Variants in CTNND2 observed in about 807,000 individuals in gnomAD.
The protein encoded by CTNND2 is catenin delta 2, also known as catenin delta-2.
Under a neutral mutation model 144.4 loss-of-function variants are expected in CTNND2, and 22 were observed. The ratio of observed to expected loss-of-function variants is 0.15; its 90% CI spans 0.11 to 0.22. The LOEUF is 0.22. CTNND2 is among the 10% of genes least tolerant of loss of function. CTNND2 has a pLI of 1.00. For synonymous variants in CTNND2, 751 were observed against 695.6 expected, an observed-to-expected ratio of 1.08 and a Z score of -1.25; for missense variants, 1,353 against 1,618.8, an observed-to-expected ratio of 0.84 and a Z score of 2.82.
rs1001970325 is a variant in CTNND2 at position 11,724,190 on chromosome 5, G to A, written c.174+7946C>T. On this transcript the variant is annotated intron_variant, in intron 2 of 21. Transcript: ENST00000304623. ...AACTATTGAAAGGTTTTCAATGTCAGTAAACAAACCAGTAAAGCTCCTAGT... is the reference window on the plus strand; with the variant it reads ...AACTATTGAAAGGTTTTCAATGTCAATAAACAAACCAGTAAAGCTCCTAGT... 3.9e-5 allele frequency among the ~76,000 whole-genome samples: 6 copies of A among 152,078 alleles called. No homozygotes were observed. The East Asian group carries it at 1.2e-3, about 29-fold the overall frequency.
At chr5:11,301,472 G>A (rs544513478) in intron 9 of CTNND2, among the ~76,000 whole-genome samples, 1 of 152,254 alleles carries the variant, frequency 6.6e-6, no homozygotes, top group African/African-American at 2.4e-5. Context: ...TGAAGGAACT[G>A]TATCATGTTT....
At chr5:11,719,887 T>C (rs1281003701) in intron 2 of CTNND2, among the ~76,000 whole-genome samples, 1 of 148,780 alleles carries the variant, frequency 6.7e-6, no homozygotes, top group Non-Finnish European at 1.5e-5. Context: ...CCACAGATCC[T>C]TTCCAACTTT....
chr5:11,607,030 C>T (rs956145952), intron 2 of CTNND2, among the ~76,000 whole-genome samples: 1 of 152,192 alleles, frequency 6.6e-6, no homozygotes, highest in African/African-American at 2.4e-5. Flanking sequence ...AATTTAGAGA[C>T]AGGCACACAG....
chr5:11,385,876 T>A (rs917937058), intron 6 of CTNND2: 1 of 140,726 alleles, frequency 7.1e-6, no homozygotes, highest in East Asian at 2.1e-4. Flanking sequence ...TAAAAAAAAA[T>A]CTAGAGGAAT....
At chr5:11,651,149 C>A (rs1310170680) in intron 2 of CTNND2, among the ~76,000 whole-genome samples, 1 of 152,130 alleles carries the variant, frequency 6.6e-6, no homozygotes, top group East Asian at 1.9e-4. Flanking sequence ...CCCAGGGCCC[C>A]ACCACTCTGT....
intron 3 of CTNND2, among the ~76,000 whole-genome samples, chr5:11,477,246 T>G (rs1315619830): frequency 6.6e-6 from 1 of 152,212 alleles, no homozygotes; most frequent in Non-Finnish European, 1.5e-5. Flanking sequence ...ACATGGCCTA[T>G]TCTTAGAAAA....
intron 1 of CTNND2, among the ~76,000 whole-genome samples, chr5:11,888,364 C>A (rs953929420): frequency 1.3e-5 from 2 of 152,136 alleles, no homozygotes; most frequent in Non-Finnish European, 2.9e-5. Context: ...GCGTGCACCC[C>A]ATTCCCCAGG....
intron 1 of CTNND2, among the ~76,000 whole-genome samples, chr5:11,748,252 C>T (rs1788424111): frequency 6.6e-6 from 1 of 151,840 alleles, no homozygotes; most frequent in Non-Finnish European, 1.5e-5. Context: ...CATTTTTTAC[C>T]CGCATATAAC....
At chr5:11,463,364 T>C (rs905362007) in intron 3 of CTNND2, among the ~76,000 whole-genome samples, 1 of 152,216 alleles carries the variant, frequency 6.6e-6, no homozygotes, top group Non-Finnish European at 1.5e-5. Flanking sequence ...CTTTGGATTT[T>C]TGTACAATAA....
At chr5:11,801,199 C>A (rs1207082300) in intron 1 of CTNND2, among the ~76,000 whole-genome samples, 1 of 152,094 alleles carries the variant, frequency 6.6e-6, no homozygotes, top group African/African-American at 2.4e-5. Context: ...CTGATGGGTA[C>A]CAGTTAAGCA....
At chr5:11,758,000 T>C (rs1381046748) in intron 1 of CTNND2, among the ~76,000 whole-genome samples, 3 of 152,054 alleles carry the variant, frequency 2.0e-5, no homozygotes, top group Admixed American at 6.6e-5. Context: ...CATCTTGTCA[T>C]GTATTATTTT....
intron 2 of CTNND2, among the ~76,000 whole-genome samples, chr5:11,650,612 A>G (rs893779217): frequency 1.3e-5 from 2 of 152,184 alleles, no homozygotes; most frequent in Non-Finnish European, 2.9e-5. Context: ...GATGATAGTG[A>G]TATGGACAAT....
chr5:11,494,679 T>C (rs1344914384), intron 3 of CTNND2, among the ~76,000 whole-genome samples: 1 of 152,152 alleles, frequency 6.6e-6, no homozygotes, highest in African/African-American at 2.4e-5. Flanking sequence ...CCAATACTTC[T>C]GATAGGTTTC....
chr5:11,669,092 C>T (rs956133246), intron 2 of CTNND2, among the ~76,000 whole-genome samples: 2 of 152,102 alleles, frequency 1.3e-5, no homozygotes, highest in African/African-American at 4.8e-5. Flanking sequence ...ATTGAAGCAG[C>T]CTTGAATCCC....
At chr5:11,062,488 T>C (rs895395173) in intron 16 of CTNND2, among the ~76,000 whole-genome samples, 7 of 152,252 alleles carry the variant, frequency 4.6e-5, no homozygotes, top group Non-Finnish European at 8.8e-5. Context: ...GCTGCTTTTC[T>C]CTTTACGTGA....
At chr5:11,426,968 T>C (rs1363710687) in intron 3 of CTNND2, among the ~76,000 whole-genome samples, 3 of 152,200 alleles carry the variant, frequency 2.0e-5, no homozygotes, top group African/African-American at 7.2e-5. Flanking sequence ...TGCACAGTGT[T>C]TCTCCTGCTG....
chr5:11,539,477 G>T (rs1774526503), intron 3 of CTNND2, among the ~76,000 whole-genome samples: 1 of 152,192 alleles, frequency 6.6e-6, no homozygotes. Flanking sequence ...ATAATAACTT[G>T]CTGTTTACAA....
intron 11 of CTNND2, among the ~76,000 whole-genome samples, chr5:11,175,637 A>AT (rs1245402209): frequency 1.8e-4 from 5 of 27,150 alleles, no homozygotes; most frequent in East Asian, 1.5e-3. Flanking sequence ...TTTTTTATTT[A>AT]TTTATTTTTT....
At chr5:11,557,779 C>T (rs1472573764) in intron 3 of CTNND2, among the ~76,000 whole-genome samples, 1 of 152,160 alleles carries the variant, frequency 6.6e-6, no homozygotes, top group Admixed American at 6.5e-5. Context: ...GGGAATCTTG[C>T]TGGACACCTT....
Sources: allele counts gnomAD v4.1 joint callset (sites outside exome capture counted in the v4.1 genomes callset), GRCh38; gene constraint gnomAD v4.1.1; transcripts MANE v1.5; gene names NCBI Gene and HGNC (gene_info 2026-07-23, HGNC 2026-07-21).